REPS1: variants seen among roughly 807,000 people sequenced by gnomAD.
The protein encoded by REPS1 is RALBP1 associated Eps domain containing 1.
In REPS1, 39 loss-of-function variants were observed where a neutral mutation model predicts 100.9. That is an observed-to-expected ratio of 0.39 (90% CI 0.30 to 0.50). The LOEUF (loss-of-function observed/expected upper bound fraction) is 0.50. Ranked by LOEUF, REPS1 falls within the 20% of genes least tolerant of loss-of-function variation. The probability of loss-of-function intolerance (pLI) is 0.86; values close to 1 mark genes in which losing one functional copy is unlikely to be tolerated. For missense variants in REPS1, 821 were observed against 968.5 expected, an observed-to-expected ratio of 0.85 and a Z score of 2.02; for synonymous variants, 324 against 340.3, an observed-to-expected ratio of 0.95 and a Z score of 0.53.
intron 1 of REPS1, among the ~76,000 whole-genome samples, chr6:138,951,906 C>T (rs1399941949): frequency 6.6e-6 from 1 of 152,074 alleles, no homozygotes; most frequent in African/African-American, 2.4e-5. Context: ...CTTAATTGTG[C>T]ATATTTGTAT....
At chr6:138,962,966 A>G (rs999707945) in intron 1 of REPS1, among the ~76,000 whole-genome samples, 3 of 152,186 alleles carry the variant, frequency 2.0e-5, no homozygotes, top group Non-Finnish European at 4.4e-5. Context: ...ATATAACTTT[A>G]TTGTATTTTA....
intron 1 of REPS1, among the ~76,000 whole-genome samples, chr6:138,975,235 G>A (rs1261907111): frequency 6.6e-6 from 1 of 151,892 alleles, no homozygotes; most frequent in Non-Finnish European, 1.5e-5. Flanking sequence ...TTATTTCCAC[G>A]TTAATGGCAT....
intron 1 of REPS1, among the ~76,000 whole-genome samples, chr6:138,958,883 C>T (rs1783564280): frequency 6.6e-6 from 1 of 152,074 alleles, no homozygotes; most frequent in South Asian, 2.1e-4. Context: ...AGAATAGTTC[C>T]TTAATAAGGA....
At position 138,987,722 on chromosome 6, in the gene REPS1, T is replaced by A; in HGVS notation, c.-40A>T. On this transcript the variant is annotated 5_prime_UTR_variant, in exon 1 of 20. Transcript: ENST00000450536. ...CACGGCCGCCCCGCCCCGCATGCAC[T>A]ACTCGGGGCCCGGCCCCAGGAACCT... 1 of 1,492,568 alleles carries A rather than the reference T, an allele frequency of 6.7e-7. No homozygotes were observed. Among genetic ancestry groups the A allele is most frequent in the Non-Finnish European group, 9.0e-7 (1 of 1,116,918 alleles). 92.5% of individuals were successfully genotyped at this position (1,492,568 alleles called of 1,614,324 possible).
At chr6:138,930,517 G>T (rs117926062) in intron 8 of REPS1, among the ~76,000 whole-genome samples, 2,064 of 152,236 alleles carry the variant, frequency 0.014, 26 homozygotes, top group Non-Finnish European at 0.02. Context: ...ATAATTCTCT[G>T]TTGGAGCATC....
intron 1 of REPS1, among the ~76,000 whole-genome samples, chr6:138,964,918 T>A (rs1407613240): frequency 6.6e-6 from 1 of 152,156 alleles, no homozygotes; most frequent in East Asian, 1.9e-4. Context: ...ATTCACTCTA[T>A]CTGCTATAGA....
At chr6:138,955,457 A>AGTGTGTGTGTGTGT (rs1554294151) in intron 1 of REPS1, among the ~76,000 whole-genome samples, 1,251 of 90,644 alleles carry the variant, frequency 0.014, 50 homozygotes, top group African/African-American at 0.049. Context: ...AAAAAAAAAA[A>AGTGTGTGTGTGTGT]GTGTGTGTGT....
chr6:138,945,257 G>T lies in REPS1; in HGVS notation c.590C>A (p.Pro197His). The T allele has an allele frequency of 2.5e-6, 4 of 1,610,836 alleles. No individual in the cohort carries two copies. The highest frequency in any genetic ancestry group is 3.4e-6 in the Non-Finnish European group (4 of 1,179,386). Residue 197 changes from proline (P) to histidine (H), a missense_variant, in exon 4 of 20, where the codon CCT (proline) becomes CAT (histidine). By Grantham distance (77) the Pro-to-His change is moderately conservative. Transcript: ENST00000450536. ...GGNSERPLAGPGPFWSPFGEA... is the reference protein window; with the variant it reads ...GGNSERPLAGHGPFWSPFGEA... ...ACCAAAGGGAGACCAAAATGGCCCA[G>T]GTCCCGCGAGAGGCCTCTCACTATT...
intron 1 of REPS1, among the ~76,000 whole-genome samples, chr6:138,958,260 G>T (rs1369821190): frequency 1.3e-5 from 2 of 152,166 alleles, no homozygotes; most frequent in Admixed American, 1.3e-4. Flanking sequence ...GTTTTTGCAG[G>T]AAACAACACT....
At chr6:138,953,184 A>T (rs1330914089) in intron 1 of REPS1, among the ~76,000 whole-genome samples, 1 of 152,132 alleles carries the variant, frequency 6.6e-6, no homozygotes, top group African/African-American at 2.4e-5. Flanking sequence ...CCCTATATAA[A>T]AATCAACTCA....
At chr6:138,974,478 GGT>G (rs2128505353) in intron 1 of REPS1, among the ~76,000 whole-genome samples, 1 of 152,258 alleles carries the variant, frequency 6.6e-6, no homozygotes, top group South Asian at 2.1e-4. Context: ...GGTGTTTAGG[GGT>G]TGTTTATACA....
chr6:138,957,777 G>A (rs1196475373), intron 1 of REPS1, among the ~76,000 whole-genome samples: 1 of 152,082 alleles, frequency 6.6e-6, no homozygotes. Flanking sequence ...AAACCCCAGG[G>A]GAAAAGCTGT....
At chr6:138,968,908 C>CA (rs1255865061) in intron 1 of REPS1, among the ~76,000 whole-genome samples, 3 of 151,680 alleles carry the variant, frequency 2.0e-5, no homozygotes, top group African/African-American at 7.3e-5. Context: ...TGACAAACAA[C>CA]AAAAAAGAGA....
chr6:138,973,227 CA>C (rs1343658551), intron 1 of REPS1, among the ~76,000 whole-genome samples: 1 of 151,942 alleles, frequency 6.6e-6, no homozygotes, highest in Non-Finnish European at 1.5e-5. Flanking sequence ...AACTAAAAAA[CA>C]AAAAACACAT....
intron 8 of REPS1, among the ~76,000 whole-genome samples, chr6:138,937,356 T>C (rs966245342): frequency 1.3e-5 from 2 of 152,216 alleles, no homozygotes; most frequent in African/African-American, 2.4e-5. Flanking sequence ...TAAACACCAA[T>C]ACCTGTGTGT....
chr6:138,986,707 T>C (rs1785277428), intron 1 of REPS1, among the ~76,000 whole-genome samples: 1 of 152,208 alleles, frequency 6.6e-6, no homozygotes, highest in African/African-American at 2.4e-5. Flanking sequence ...TATGAATCAT[T>C]AAACAGAGTA....
chr6:138,955,820 C>T (rs1199746204), intron 1 of REPS1, among the ~76,000 whole-genome samples: 1 of 152,094 alleles, frequency 6.6e-6, no homozygotes, highest in Admixed American at 6.6e-5. Flanking sequence ...CTTTACTGTG[C>T]CTCAGTTTCT....
chr6:138,971,481 A>G (rs557975210), intron 1 of REPS1, among the ~76,000 whole-genome samples: 6 of 152,052 alleles, frequency 3.9e-5, no homozygotes, highest in Admixed American at 3.9e-4. Context: ...TGAAAAAAAA[A>G]AGTATACGCT....
At chr6:138,947,998 G>T in intron 1 of REPS1, 85 bp from the exon 2 acceptor site, 2 of 1,237,070 alleles carry the variant, frequency 1.6e-6, no homozygotes, top group Non-Finnish European at 2.2e-6. Flanking sequence ...TGTTTGTAAC[G>T]TCTCAAAATA....
Sources: allele counts gnomAD v4.1 joint callset (sites outside exome capture counted in the v4.1 genomes callset), GRCh38; gene constraint gnomAD v4.1.1; transcripts MANE v1.5; gene names NCBI Gene and HGNC (gene_info 2026-07-23, HGNC 2026-07-21).